The following CPEB3 variants were observed in gnomAD, a reference collection of about 807,000 sequenced individuals.
CPEB3 encodes the protein cytoplasmic polyadenylation element binding protein 3.
Under a neutral mutation model 67.2 loss-of-function variants are expected in CPEB3, and 20 were observed. The observed-to-expected ratio is 0.30, with a 90% CI of 0.21 to 0.43. CPEB3 has a LOEUF of 0.43. Ranked by LOEUF, CPEB3 falls within the 20% of genes least tolerant of loss-of-function variation. The pLI is 1.00. For missense variants in CPEB3, 746 were observed against 968.6 expected (o/e 0.77, Z 3.05); for synonymous variants, 376 against 393.1 (o/e 0.96, Z 0.51).
At chr10:92,123,773 G>A (rs1038503149) in intron 6 of CPEB3, among the ~76,000 whole-genome samples, 6 of 152,138 alleles carry the variant, frequency 3.9e-5, no homozygotes, top group Non-Finnish European at 8.8e-5. Context: ...ACATTCCTCT[G>A]ATCAGTTCTT....
At chr10:92,225,526 A>C (rs989318210) in intron 2 of CPEB3, among the ~76,000 whole-genome samples, 1 of 152,158 alleles carries the variant, frequency 6.6e-6, no homozygotes, top group African/African-American at 2.4e-5. Context: ...CAAAACAAAA[A>C]AAACAACAAA....
At position 92,240,162 on chromosome 10, in the gene CPEB3, C is replaced by T. The variant is rs768039121; in HGVS notation, c.189G>A (p.Pro63=). The part of the protein sequence containing the change: ...VPALSPAAAP[P]APNGPDKMQM... ...GCATCTTGTCCGGGCCGTTGGGGGC[C>T]GGGGGGGCAGCGGCTGGGCTGAGGG... The change falls in exon 2 of 10, where the codon CCG becomes CCA. Residue 63 remains proline, a synonymous_variant. Transcript: ENST00000265997. 3.9e-6 allele frequency: 6 copies of T among 1,548,690 alleles called. No homozygotes were observed. The highest frequency in any genetic ancestry group is 5.2e-6 in the Non-Finnish European group (6 of 1,145,592).
chr10:92,089,636 A>T (rs1843531882), intron 8 of CPEB3, among the ~76,000 whole-genome samples: 1 of 152,108 alleles, frequency 6.6e-6, no homozygotes, highest in South Asian at 2.1e-4. Context: ...AATACAAAAC[A>T]GCCAGGCATG....
chr10:92,105,218 G>A (rs1443775750), intron 7 of CPEB3, among the ~76,000 whole-genome samples: 1 of 152,194 alleles, frequency 6.6e-6, no homozygotes, highest in African/African-American at 2.4e-5. Context: ...ATTCGAATGG[G>A]CCAAGATAAA....
intron 4 of CPEB3, among the ~76,000 whole-genome samples, chr10:92,157,734 G>T (rs1437016405): frequency 1.3e-5 from 2 of 152,070 alleles, no homozygotes; most frequent in Admixed American, 6.6e-5. Context: ...AATGAATACA[G>T]GGCAGAAAAA....
At chr10:92,241,285 T>C (rs913381010) in intron 1 of CPEB3, among the ~76,000 whole-genome samples, 7 of 118,286 alleles carry the variant, frequency 5.9e-5, no homozygotes, top group Non-Finnish European at 8.1e-5. Context: ...GGTCAGAGAG[T>C]GCGCGCGAGC....
chr10:92,263,218 G>A (rs772194609), intron 1 of CPEB3, among the ~76,000 whole-genome samples: 1 of 152,192 alleles, frequency 6.6e-6, no homozygotes, highest in Non-Finnish European at 1.5e-5. Context: ...TGGGATTACA[G>A]GCATGCACCA....
intron 6 of CPEB3, among the ~76,000 whole-genome samples, chr10:92,124,849 A>G (rs190003548): frequency 1.6e-4 from 24 of 152,372 alleles, no homozygotes; most frequent in Non-Finnish European, 3.4e-4. Flanking sequence ...AGTTGAAGGA[A>G]AAAGAAATAA....
intron 6 of CPEB3, among the ~76,000 whole-genome samples, chr10:92,130,655 CTT>C (rs35187694): frequency 1.3e-3 from 174 of 135,108 alleles, no homozygotes; most frequent in Middle Eastern, 3.8e-3. Flanking sequence ...CCCTATGTGG[CTT>C]TTTTTTTTTT....
intron 1 of CPEB3, among the ~76,000 whole-genome samples, chr10:92,240,815 C>G (rs1290675376): frequency 3.3e-5 from 5 of 152,036 alleles, no homozygotes; most frequent in Non-Finnish European, 7.4e-5. Flanking sequence ...AAAGACACCG[C>G]ACACACGACC....
chr10:92,173,560 G>T (rs894219704), intron 4 of CPEB3, among the ~76,000 whole-genome samples: 1 of 151,980 alleles, frequency 6.6e-6, no homozygotes, highest in Non-Finnish European at 1.5e-5. Context: ...TTTGTGTTAA[G>T]GTAGTAAATA....
chr10:92,109,963 C>A (rs1844653182), intron 7 of CPEB3, among the ~76,000 whole-genome samples: 1 of 152,166 alleles, frequency 6.6e-6, no homozygotes, highest in Admixed American at 6.5e-5. Context: ...GTACAAGTAT[C>A]TGACCTCTAC....
intron 1 of CPEB3, among the ~76,000 whole-genome samples, chr10:92,258,587 A>G (rs1852625152): frequency 7.2e-6 from 1 of 138,264 alleles, no homozygotes; most frequent in Non-Finnish European, 1.5e-5. Context: ...AGTAGCCTTC[A>G]TCTATGTTCA....
chr10:92,282,724 T>C (rs910388045), intron 1 of CPEB3, among the ~76,000 whole-genome samples: 17 of 151,978 alleles, frequency 1.1e-4, no homozygotes, highest in Non-Finnish European at 2.1e-4. Flanking sequence ...CCGTAGATGT[T>C]AAACCAGTAA....
intron 6 of CPEB3, among the ~76,000 whole-genome samples, chr10:92,131,740 G>A (rs1845851358): frequency 6.6e-6 from 1 of 152,162 alleles, no homozygotes; most frequent in South Asian, 2.1e-4. Flanking sequence ...AAAGCAAAAT[G>A]AGCAATTCTG....
intron 1 of CPEB3, among the ~76,000 whole-genome samples, chr10:92,285,942 TTTTTC>T (rs935298101): frequency 7.0e-6 from 1 of 143,770 alleles, no homozygotes; most frequent in Non-Finnish European, 1.5e-5. Context: ...TTTATTTGCT[TTTTTC>T]TTTTTTTTTT....
Position 92,051,699 on chromosome 10 carries a change from G to C in CPEB3, c.*513C>G, listed in dbSNP as rs1334359852. The C allele has an allele frequency of 6.5e-6, 1 of 152,850 alleles. No individual in the cohort carries two copies. The highest frequency in any genetic ancestry group is 1.5e-5 in the Non-Finnish European group (1 of 68,488). The allele number at this position is 152,850 out of a possible 1,614,324, so 9.5% of individuals were successfully genotyped here. On this transcript the variant is annotated 3_prime_UTR_variant, in exon 10 of 10. Transcript: ENST00000265997. ...ATGAAGGGTTATCCTTACTCTAAGT[G>C]ACCCGAGCTAATGATTGCTGAATTG...
chr10:92,222,249 C>T (rs1026064946), intron 2 of CPEB3, among the ~76,000 whole-genome samples: 1 of 150,452 alleles, frequency 6.6e-6, no homozygotes, highest in African/African-American at 2.5e-5. Context: ...GTTGCCCAGG[C>T]TGGTCTCGAA....
At chr10:92,101,503 A>G (rs1844187523) in intron 7 of CPEB3, among the ~76,000 whole-genome samples, 2 of 152,182 alleles carry the variant, frequency 1.3e-5, no homozygotes, top group Non-Finnish European at 2.9e-5. Flanking sequence ...CAGCTGCAAC[A>G]GCTCAGTTGT....
Sources: allele counts gnomAD v4.1 joint callset (sites outside exome capture counted in the v4.1 genomes callset), GRCh38; gene constraint gnomAD v4.1.1; transcripts MANE v1.5; gene names NCBI Gene and HGNC (gene_info 2026-07-23, HGNC 2026-07-21).